Variants in FAM107B observed in about 807,000 individuals in gnomAD.
FAM107B encodes protein FAM107B.
In FAM107B, 21 loss-of-function variants were observed where a neutral mutation model predicts 31.5. The ratio of observed to expected loss-of-function variants is 0.67; its 90% CI spans 0.47 to 0.96. The LOEUF (loss-of-function observed/expected upper bound fraction) is 0.96. FAM107B is among the 40% of genes least tolerant of loss of function. The pLI is 0.00. For synonymous variants in FAM107B, 157 were observed against 141.5 expected, an observed-to-expected ratio of 1.11 and a Z score of -0.78; for missense variants, 452 against 377.1, an observed-to-expected ratio of 1.20 and a Z score of -1.64.
chr10:14,653,010 G>A (rs1026012451), intron 2 of FAM107B, among the ~76,000 whole-genome samples: 1 of 152,174 alleles, frequency 6.6e-6, no homozygotes, highest in African/African-American at 2.4e-5. Context: ...TAGAAACATG[G>A]CCATCAGGGT....
chr10:14,530,537 C>T (rs1846864865), intron 2 of FAM107B, 22 bp from the exon 3 acceptor site: 3 of 1,608,562 alleles, frequency 1.9e-6, no homozygotes, highest in Non-Finnish European at 2.5e-6. Flanking sequence ...AGATGAGAAA[C>T]ACTCATTTGC....
At chr10:14,763,702 C>T (rs938648924) in intron 1 of FAM107B, among the ~76,000 whole-genome samples, 2 of 152,184 alleles carry the variant, frequency 1.3e-5, no homozygotes, top group South Asian at 4.1e-4. Flanking sequence ...ATCACCTCCC[C>T]AAGTACCAGG....
intron 2 of FAM107B, among the ~76,000 whole-genome samples, chr10:14,583,905 C>T (rs919199862): frequency 2.0e-4 from 30 of 152,136 alleles, no homozygotes; most frequent in African/African-American, 6.0e-4. Flanking sequence ...ACACTCTCCC[C>T]GAAAGGGACT....
At chr10:14,641,658 A>G (rs1331833268) in intron 2 of FAM107B, among the ~76,000 whole-genome samples, 1 of 152,172 alleles carries the variant, frequency 6.6e-6, no homozygotes, top group East Asian at 1.9e-4. Flanking sequence ...TGAGGGCACT[A>G]TTCACATCAC....
At chr10:14,588,323 T>C (rs972388448) in intron 2 of FAM107B, among the ~76,000 whole-genome samples, 1 of 152,200 alleles carries the variant, frequency 6.6e-6, no homozygotes, top group African/African-American at 2.4e-5. Context: ...TCACAAAGAA[T>C]TGTAATTTAG....
At chr10:14,759,556 A>AT (rs1371774087) in intron 1 of FAM107B, among the ~76,000 whole-genome samples, 1 of 152,148 alleles carries the variant, frequency 6.6e-6, no homozygotes, top group Non-Finnish European at 1.5e-5. Context: ...GAACTTGAGG[A>AT]TGGGGGCGCT....
At chr10:14,642,450 G>A (rs905671128) in intron 2 of FAM107B, among the ~76,000 whole-genome samples, 7 of 152,192 alleles carry the variant, frequency 4.6e-5, no homozygotes, top group African/African-American at 1.7e-4. Context: ...GGAGAATAGT[G>A]CATGTTCCAA....
chr10:14,610,141 A>T (rs1264139587), intron 2 of FAM107B, among the ~76,000 whole-genome samples: 1 of 152,212 alleles, frequency 6.6e-6, no homozygotes, highest in Non-Finnish European at 1.5e-5. Context: ...CAGGAGATTG[A>T]GATCATCCTG....
chr10:14,578,450 G>A (rs1340452044), intron 2 of FAM107B, among the ~76,000 whole-genome samples: 4 of 152,138 alleles, frequency 2.6e-5, no homozygotes, highest in East Asian at 1.9e-4. Flanking sequence ...CATTTCCTTC[G>A]GAGATTCTGA....
In FAM107B at chr10:14,520,249, C is replaced by T. The variant is rs1469479045; in HGVS notation, c.*941G>A. 1 of 152,192 alleles carries T rather than the reference C, an allele frequency of 6.6e-6. No homozygotes were observed. The highest frequency in any genetic ancestry group is 1.9e-4 in the East Asian group (1 of 5,198). 9.4% of individuals were successfully genotyped at this position (152,192 alleles called of 1,614,324 possible). A position where few individuals can be genotyped will look rare whatever the true frequency, so the allele number is the denominator to read the frequency against. The stretch of plus-strand genomic sequence containing the variant: ...TCTACACTTATTTCACATTAGAATG[C>T]CTAGAGAAATCCTGACTGCCCAGCT... On this transcript the variant is annotated 3_prime_UTR_variant, in exon 5 of 5. Transcript: ENST00000181796.
chr10:14,642,346 C>A (rs952798497), intron 2 of FAM107B, among the ~76,000 whole-genome samples: 2 of 152,200 alleles, frequency 1.3e-5, no homozygotes, highest in African/African-American at 4.8e-5. Context: ...GGTCCTCCTG[C>A]AAAGCTTCAG....
chr10:14,595,664 C>T (rs140897814), intron 2 of FAM107B, among the ~76,000 whole-genome samples: 175 of 152,136 alleles, frequency 1.2e-3, no homozygotes, highest in African/African-American at 4.0e-3. Flanking sequence ...TACTTCTCTC[C>T]CCCTTGGTCT....
At chr10:14,620,934 C>A (rs1254020050) in intron 2 of FAM107B, among the ~76,000 whole-genome samples, 2 of 152,106 alleles carry the variant, frequency 1.3e-5, no homozygotes, top group Admixed American at 1.3e-4. Flanking sequence ...CTAAGTATTT[C>A]TTGGTTTTGA....
intron 1 of FAM107B, among the ~76,000 whole-genome samples, chr10:14,682,267 G>A (rs1854854412): frequency 6.6e-6 from 1 of 152,216 alleles, no homozygotes; most frequent in Admixed American, 6.5e-5. Flanking sequence ...GGTGGCTCAT[G>A]CCTGTAATCC....
chr10:14,641,738 A>G (rs1008080322), intron 2 of FAM107B, among the ~76,000 whole-genome samples: 8 of 152,196 alleles, frequency 5.3e-5, no homozygotes, highest in African/African-American at 1.7e-4. Context: ...ATCTCCAAAT[A>G]CCATCACATT....
chr10:14,613,557 T>G (rs1014088399), intron 2 of FAM107B, among the ~76,000 whole-genome samples: 1 of 152,222 alleles, frequency 6.6e-6, no homozygotes, highest in East Asian at 1.9e-4. Flanking sequence ...ACTTACGCCC[T>G]ACATCTACTT....
intron 2 of FAM107B, among the ~76,000 whole-genome samples, chr10:14,637,593 G>C (rs1182035720): frequency 6.6e-6 from 1 of 152,186 alleles, no homozygotes; most frequent in East Asian, 1.9e-4. Context: ...GCAATGAGCT[G>C]TGATCATGCT....
chr10:14,628,119 T>TTTGTTTTTTTTGTTTTTTTTG (rs1458599256), intron 2 of FAM107B, among the ~76,000 whole-genome samples: 2 of 123,106 alleles, frequency 1.6e-5, no homozygotes, highest in African/African-American at 7.0e-5. Flanking sequence ...CTGGTTTTTT[T>TTTGTTTTTTTTGTTTTTTTTG]TTTTTTTTTT....
At chr10:14,690,788 T>TA (rs1855115601) in intron 1 of FAM107B, among the ~76,000 whole-genome samples, 1 of 152,110 alleles carries the variant, frequency 6.6e-6, no homozygotes, top group Non-Finnish European at 1.5e-5. Context: ...TGAATTATTC[T>TA]AATTTGAGGG....
Sources: allele counts gnomAD v4.1 joint callset (sites outside exome capture counted in the v4.1 genomes callset), GRCh38; gene constraint gnomAD v4.1.1; transcripts MANE v1.5; gene names NCBI Gene and HGNC (gene_info 2026-07-23, HGNC 2026-07-21).